The following TCERG1L variants were observed in gnomAD, a reference collection of about 807,000 sequenced individuals.
The protein encoded by TCERG1L is transcription elongation regulator 1 like, also known as transcription elongation regulator 1-like protein.
A neutral mutation model predicts 56.3 loss-of-function variants in TCERG1L; 37 were observed. That is an observed-to-expected ratio of 0.66 (90% CI 0.51 to 0.87). The LOEUF is 0.87. Ranked by LOEUF, TCERG1L falls within the 40% of genes least tolerant of loss-of-function variation. TCERG1L has a pLI of 0.00. For synonymous variants in TCERG1L, 324 were observed against 326.3 expected (o/e 0.99, Z 0.08); for missense variants, 799 against 774.2 (o/e 1.03, Z -0.38).
At chr10:131,232,096 G>A (rs1349009595) in intron 4 of TCERG1L, among the ~76,000 whole-genome samples, 1 of 152,234 alleles carries the variant, frequency 6.6e-6, no homozygotes, top group Non-Finnish European at 1.5e-5. Context: ...TCCAGTCCCA[G>A]CCTTGTGCTC....
At chr10:131,254,536 T>G (rs1251909410) in intron 4 of TCERG1L, among the ~76,000 whole-genome samples, 1 of 151,920 alleles carries the variant, frequency 6.6e-6, no homozygotes, top group Non-Finnish European at 1.5e-5. Flanking sequence ...CCTTGAGAAG[T>G]GAACTCCAGC....
At chr10:131,167,926 A>G (rs1232511105) in intron 4 of TCERG1L, among the ~76,000 whole-genome samples, 2 of 152,248 alleles carry the variant, frequency 1.3e-5, no homozygotes, top group African/African-American at 2.4e-5. Context: ...AATAAAAAGA[A>G]GGACCCAAAC....
chr10:131,188,959 A>G (rs1845277237), intron 4 of TCERG1L, among the ~76,000 whole-genome samples: 1 of 152,214 alleles, frequency 6.6e-6, no homozygotes, highest in Admixed American at 6.5e-5. Flanking sequence ...CAAATGAACC[A>G]TAGTATATAC....
intron 8 of TCERG1L, among the ~76,000 whole-genome samples, chr10:131,119,642 C>T (rs188703175): frequency 4.7e-4 from 72 of 152,312 alleles, no homozygotes; most frequent in Admixed American, 1.6e-3. Context: ...AATGGCTATC[C>T]GTTCAGTTAG....
intron 3 of TCERG1L, among the ~76,000 whole-genome samples, chr10:131,302,813 T>A (rs1009902521): frequency 6.6e-6 from 1 of 151,828 alleles, no homozygotes; most frequent in African/African-American, 2.4e-5. Context: ...GTGTGTGATG[T>A]TCCCCTCCCT....
At chr10:131,164,689 G>A (rs572189474) in intron 5 of TCERG1L, among the ~76,000 whole-genome samples, 1 of 152,274 alleles carries the variant, frequency 6.6e-6, no homozygotes, top group Non-Finnish European at 1.5e-5. Flanking sequence ...TCTGAGCTGA[G>A]AATGGCAGGT....
At chr10:131,278,190 C>T (rs1043631283) in intron 3 of TCERG1L, among the ~76,000 whole-genome samples, 2 of 152,048 alleles carry the variant, frequency 1.3e-5, no homozygotes, top group South Asian at 4.2e-4. Flanking sequence ...GCCACGTGAC[C>T]CCGGCCGAGT....
chr10:131,299,798 C>T (rs1471723815), intron 3 of TCERG1L, among the ~76,000 whole-genome samples: 2 of 152,070 alleles, frequency 1.3e-5, no homozygotes, highest in Non-Finnish European at 2.9e-5. Context: ...GTACAATAGC[C>T]TTACAATTCC....
At chr10:131,181,440 T>C (rs1161206235) in intron 4 of TCERG1L, among the ~76,000 whole-genome samples, 1 of 152,232 alleles carries the variant, frequency 6.6e-6, no homozygotes, top group African/African-American at 2.4e-5. Flanking sequence ...GAGCATCACC[T>C]ACCTTCTCTG....
At chr10:131,144,775 G>A (rs1321922199) in intron 7 of TCERG1L, among the ~76,000 whole-genome samples, 1 of 152,136 alleles carries the variant, frequency 6.6e-6, no homozygotes, top group Non-Finnish European at 1.5e-5. Flanking sequence ...GGTATTTCTG[G>A]TTGTAAAACC....
rs1053084214 is a variant in TCERG1L, at chr10:131,114,566, A to G, written c.1395+2233T>C. 4.3e-4 allele frequency among the ~76,000 whole-genome samples: 65 copies of G among 152,162 alleles called. 1 individual carries two copies. The highest frequency in any genetic ancestry group is 1.4e-3 in the African/African-American group (60 of 41,434). ...TTCCTGTATAATAACCTGGGAAGAAAAAGTTGAAACGAACCACCCACCCTA... is the reference window on the plus strand; with the variant it reads ...TTCCTGTATAATAACCTGGGAAGAAGAAGTTGAAACGAACCACCCACCCTA... On this transcript the variant is annotated intron_variant, in intron 9 of 11. Transcript: ENST00000368642.
intron 4 of TCERG1L, among the ~76,000 whole-genome samples, chr10:131,176,927 C>CAG (rs201116496): frequency 3.1e-3 from 89 of 29,002 alleles, no homozygotes; most frequent in Middle Eastern, 0.025. Context: ...TACATGCACA[C>CAG]AGACACGTGA....
intron 4 of TCERG1L, among the ~76,000 whole-genome samples, chr10:131,235,787 C>T (rs971502154): frequency 2.6e-5 from 4 of 152,310 alleles, no homozygotes; most frequent in Non-Finnish European, 5.9e-5. Context: ...GACAGTGAAG[C>T]CAGCACCAGC....
intron 6 of TCERG1L, among the ~76,000 whole-genome samples, chr10:131,149,187 A>G (rs1845836485): frequency 6.6e-6 from 1 of 152,272 alleles, no homozygotes; most frequent in African/African-American, 2.4e-5. Flanking sequence ...AAATGGACCA[A>G]GATAGAGTGT....
chr10:131,281,365 G>T (rs1257124852), intron 3 of TCERG1L, among the ~76,000 whole-genome samples: 1 of 151,842 alleles, frequency 6.6e-6, no homozygotes, highest in East Asian at 1.9e-4. Context: ...AATGCACATG[G>T]ACTAATTAGA....
At chr10:131,238,916 A>C (rs61861230) in intron 4 of TCERG1L, among the ~76,000 whole-genome samples, 10 of 152,218 alleles carry the variant, frequency 6.6e-5, no homozygotes, top group Non-Finnish European at 1.5e-4. Flanking sequence ...AGCCTGGTCC[A>C]TGCCAACGTC....
intron 8 of TCERG1L, among the ~76,000 whole-genome samples, chr10:131,128,655 C>T (rs531459004): frequency 7.2e-5 from 11 of 152,286 alleles, no homozygotes; most frequent in African/African-American, 2.2e-4. Flanking sequence ...TCAGTTTAAA[C>T]GATACCTTGA....
chr10:131,256,992 G>GGAAGGAAGGAAGGAAGGAAAGAAA (rs1846173015), intron 4 of TCERG1L, among the ~76,000 whole-genome samples: 2 of 59,214 alleles, frequency 3.4e-5, no homozygotes, highest in African/African-American at 1.1e-4. Context: ...AAGGAAGGAA[G>GGAAGGAAGGAAGGAAGGAAAGAAA]GAAAGAAAGA....
At chr10:131,191,832 T>G (rs1845304536) in intron 4 of TCERG1L, among the ~76,000 whole-genome samples, 1 of 98,206 alleles carries the variant, frequency 1.0e-5, no homozygotes, top group African/African-American at 4.2e-5. Flanking sequence ...GCCACTGCAC[T>G]CCAGCCTGGG....
Sources: allele counts gnomAD v4.1 joint callset (sites outside exome capture counted in the v4.1 genomes callset), GRCh38; gene constraint gnomAD v4.1.1; transcripts MANE v1.5; gene names NCBI Gene and HGNC (gene_info 2026-07-23, HGNC 2026-07-21).